The following PDE11A variants were observed in gnomAD, a reference collection of about 807,000 sequenced individuals.
PDE11A encodes phosphodiesterase 11A.
Under a neutral mutation model 100.5 loss-of-function variants are expected in PDE11A, and 100 were observed. The observed-to-expected ratio is 1.00, with a 90% CI of 0.85 to 1.18. PDE11A has a LOEUF of 1.18. Ranked by LOEUF, PDE11A falls within the 50% of genes most tolerant of loss-of-function variation. The pLI is 0.00. For synonymous variants in PDE11A, 381 were observed against 420.8 expected, an observed-to-expected ratio of 0.91 and a Z score of 1.16; for missense variants, 1,141 against 1,152.6, an observed-to-expected ratio of 0.99 and a Z score of 0.15.
chr2:178,065,004 T>G (rs924750918), intron 1 of PDE11A, among the ~76,000 whole-genome samples: 1 of 152,254 alleles, frequency 6.6e-6, no homozygotes, highest in East Asian at 1.9e-4. Context: ...TTATAGAAAG[T>G]ATATTTTTTA....
chr2:177,686,934 C>T (rs2080961024), intron 15 of PDE11A: 1 of 151,982 alleles, frequency 6.6e-6, no homozygotes, highest in African/African-American at 2.4e-5. Context: ...CCAGGCTGAT[C>T]TTGAACTCCT....
intron 16 of PDE11A, among the ~76,000 whole-genome samples, chr2:177,679,977 G>C (rs1161834948): frequency 6.6e-6 from 1 of 152,098 alleles, no homozygotes; most frequent in Non-Finnish European, 1.5e-5. Flanking sequence ...TCTGGGGAGA[G>C]GGCTGCAGGA....
chr2:177,906,703 C>G (rs1426598602), intron 2 of PDE11A, among the ~76,000 whole-genome samples: 3 of 152,122 alleles, frequency 2.0e-5, no homozygotes, highest in African/African-American at 7.2e-5. Flanking sequence ...CCCTACTCTC[C>G]CCTTTCTTGC....
chr2:178,027,615 G>A (rs922819105), intron 1 of PDE11A, among the ~76,000 whole-genome samples: 7 of 152,018 alleles, frequency 4.6e-5, no homozygotes, highest in African/African-American at 1.2e-4. Flanking sequence ...AAATGGCCCC[G>A]GCTGTTTTTT....
At chr2:177,994,464 T>G (rs744398) in intron 2 of PDE11A, among the ~76,000 whole-genome samples, 76,328 of 152,002 alleles carry the variant, frequency 0.5, 19,995 homozygotes, top group East Asian at 0.71. Flanking sequence ...AAGCACAGAG[T>G]ATTTTTCCAA....
At chr2:177,846,777 T>C (rs978161536) in intron 5 of PDE11A, among the ~76,000 whole-genome samples, 4 of 152,200 alleles carry the variant, frequency 2.6e-5, no homozygotes, top group African/African-American at 9.6e-5. Flanking sequence ...GAGACATTTG[T>C]ATGGGCTTTC....
intron 5 of PDE11A, among the ~76,000 whole-genome samples, chr2:177,841,182 TC>T (rs1444006155): frequency 6.6e-6 from 1 of 152,212 alleles, no homozygotes; most frequent in African/African-American, 2.4e-5. Flanking sequence ...TTAGTTAATA[TC>T]CCTCATTCTT....
Position 177,857,489 on chromosome 2 carries a change from A to G in PDE11A, c.1368-17106T>C, listed in dbSNP as rs114761393. Among the ~76,000 whole-genome samples the G allele has an allele frequency of 7.2e-3, 1,100 of 152,218 alleles. 12 individuals carry two copies. The highest frequency in any genetic ancestry group is 0.025 in the African/African-American group (1,024 of 41,560). On this transcript the variant is annotated intron_variant, in intron 5 of 19. Transcript: ENST00000286063. ...GCAAAAATTATAAAACTGCATTGATAGGCTTATCGTATGAAAAGATGTAAT... is the reference window on the plus strand; with the variant it reads ...GCAAAAATTATAAAACTGCATTGATGGGCTTATCGTATGAAAAGATGTAAT...
rs2079880580 is a variant in PDE11A, at chr2:177,629,296, T to C, written c.*111A>G. ...AAGCCCAGGCATGCTTCCCAGTGCA[T>C]CCTTGAGATGTTAGGTCTTTCTGAG... On this transcript the variant is annotated 3_prime_UTR_variant, in exon 20 of 20. Transcript: ENST00000286063. 1.0e-6 allele frequency: 1 copy of C among 965,540 alleles called. No individual in the cohort carries two copies. The highest frequency in any genetic ancestry group is 1.7e-6 in the Non-Finnish European group (1 of 591,222). 59.8% of individuals were successfully genotyped at this position (965,540 alleles called of 1,614,324 possible). A position where few individuals can be genotyped will look rare whatever the true frequency, so the allele number is the denominator to read the frequency against.
intron 5 of PDE11A, among the ~76,000 whole-genome samples, chr2:177,852,798 T>C (rs2083737837): frequency 6.6e-6 from 1 of 152,174 alleles, no homozygotes; most frequent in South Asian, 2.1e-4. Flanking sequence ...GAAAAGAAGA[T>C]TCTCTAAGTT....
At chr2:177,631,664 T>TATAC (rs1553529286) in intron 19 of PDE11A, among the ~76,000 whole-genome samples, 2 of 131,318 alleles carry the variant, frequency 1.5e-5, no homozygotes, top group East Asian at 2.1e-4. Flanking sequence ...TGTATATATA[T>TATAC]ACACATATAT....
At chr2:177,666,220 T>A (rs2080578904) in intron 18 of PDE11A, among the ~76,000 whole-genome samples, 1 of 152,238 alleles carries the variant, frequency 6.6e-6, no homozygotes, top group Non-Finnish European at 1.5e-5. Flanking sequence ...TTTTCAAGGT[T>A]TACCCATGTA....
chr2:178,090,703 G>C (rs138962865), intron 2 of PDE11A, among the ~76,000 whole-genome samples: 1 of 152,174 alleles, frequency 6.6e-6, no homozygotes, highest in Non-Finnish European at 1.5e-5. Flanking sequence ...TAGGAGGTAG[G>C]TACATCACCT....
At chr2:177,811,874 C>T (rs934800) in intron 9 of PDE11A, among the ~76,000 whole-genome samples, 61,685 of 151,950 alleles carry the variant, frequency 0.41, 14,358 homozygotes, top group African/African-American at 0.64. Context: ...GTGGTGTGAC[C>T]AAACAGCATG....
intron 2 of PDE11A, among the ~76,000 whole-genome samples, chr2:177,972,708 A>T (rs1574317033): frequency 6.6e-6 from 1 of 152,184 alleles, no homozygotes; most frequent in South Asian, 2.1e-4. Flanking sequence ...TTGGCCCTAG[A>T]CAGAAGAAGG....
intron 2 of PDE11A, among the ~76,000 whole-genome samples, chr2:178,013,069 C>A (rs1463335147): frequency 6.6e-6 from 1 of 152,156 alleles, no homozygotes; most frequent in Non-Finnish European, 1.5e-5. Flanking sequence ...CTGATGGAGG[C>A]CTATTTTTGC....
At chr2:177,829,247 C>T (rs2083272634) in intron 6 of PDE11A, among the ~76,000 whole-genome samples, 1 of 151,754 alleles carries the variant, frequency 6.6e-6, no homozygotes, top group Non-Finnish European at 1.5e-5. Context: ...TTTAAAATAC[C>T]TATTAAAAAT....
chr2:178,069,231 G>T (rs1349119005), intron 1 of PDE11A, among the ~76,000 whole-genome samples: 1 of 152,040 alleles, frequency 6.6e-6, no homozygotes, highest in Non-Finnish European at 1.5e-5. Context: ...TTGCTAGGTA[G>T]GTATTATTGT....
chr2:177,676,711 T>C (rs558614411), intron 16 of PDE11A, among the ~76,000 whole-genome samples: 89 of 152,322 alleles, frequency 5.8e-4, no homozygotes, highest in African/African-American at 2.0e-3. Context: ...GACACATCAG[T>C]CTATTCATTT....
Sources: gnomAD v4.1 joint callset for allele counts (sites outside exome capture counted in the v4.1 genomes callset) on GRCh38, gnomAD v4.1.1 for gene constraint, MANE v1.5 for transcripts, NCBI Gene and HGNC (gene_info 2026-07-23, HGNC 2026-07-21) for gene names.